The following PLA2G4C variants were observed in gnomAD, a reference collection of about 807,000 sequenced individuals.
PLA2G4C encodes cytosolic phospholipase A2 gamma.
Under a neutral mutation model 73.8 loss-of-function variants are expected in PLA2G4C, and 64 were observed. That is an observed-to-expected ratio of 0.87 (90% CI 0.71 to 1.07). The LOEUF (loss-of-function observed/expected upper bound fraction) is 1.07, where lower values mean the gene tolerates loss of function less well. Ranked by LOEUF, PLA2G4C falls within the 50% of genes least tolerant of loss-of-function variation. The pLI is 0.00. For synonymous variants in PLA2G4C, 254 were observed against 252.1 expected (o/e 1.01, Z -0.07); for missense variants, 622 against 665.4 (o/e 0.93, Z 0.72).
intron 12 of PLA2G4C, among the ~76,000 whole-genome samples, chr19:48,071,913 T>C (rs1458976726): frequency 6.6e-6 from 1 of 151,868 alleles, no homozygotes; most frequent in African/African-American, 2.4e-5. Flanking sequence ...TTTGGGAGCC[T>C]GAGGTGGGCG....
chr19:48,074,936 G>T, intron 11 of PLA2G4C, 62 bp from the exon 12 acceptor site: 2 of 1,069,024 alleles, frequency 1.9e-6, no homozygotes, highest in South Asian at 1.5e-5. Context: ...GAACATCACA[G>T]ACCCTGCTCT....
chr19:48,091,907 AAAT>A (rs1470571870), intron 7 of PLA2G4C, among the ~76,000 whole-genome samples: 1,870 of 81,370 alleles, frequency 0.023, 383 homozygotes, highest in African/African-American at 0.093. Flanking sequence ...AAAAAAAAAA[AAAT>A]AGACACACCC....
intron 12 of PLA2G4C, among the ~76,000 whole-genome samples, chr19:48,069,508 C>T (rs527635613): frequency 6.6e-6 from 1 of 152,248 alleles, no homozygotes; most frequent in South Asian, 2.1e-4. Context: ...CTGCCAATTC[C>T]ACCTCCTCTT....
intron 7 of PLA2G4C, among the ~76,000 whole-genome samples, chr19:48,095,167 A>C (rs1310984769): frequency 6.6e-6 from 1 of 152,096 alleles, no homozygotes; most frequent in Non-Finnish European, 1.5e-5. Flanking sequence ...TGTAATCCCA[A>C]ACACATTCTG....
intron 16 of PLA2G4C, among the ~76,000 whole-genome samples, chr19:48,049,949 A>G (rs11564660): frequency 0.21 from 32,419 of 151,974 alleles, 3,929 homozygotes; most frequent in Non-Finnish European, 0.27. Flanking sequence ...TTGAGACGGA[A>G]TCTCCCTCTG....
At chr19:48,055,744 G>A (rs1304149051) in intron 14 of PLA2G4C, among the ~76,000 whole-genome samples, 6 of 151,980 alleles carry the variant, frequency 3.9e-5, no homozygotes. Flanking sequence ...TGGTCCAAGC[G>A]ATTCTCCTGC....
chr19:48,086,754 G>A (rs11564576), intron 9 of PLA2G4C, among the ~76,000 whole-genome samples: 4,184 of 152,232 alleles, frequency 0.027, 152 homozygotes, highest in African/African-American at 0.084. Context: ...AGGAGAAAAT[G>A]GCTCTATGTC....
chr19:48,061,914 C>T, intron 14 of PLA2G4C, 84 bp downstream of exon 14: 1 of 1,410,938 alleles, frequency 7.1e-7, no homozygotes, highest in Non-Finnish European at 9.9e-7. Context: ...GCTTCCCAGC[C>T]CGCGTCCTCA....
intron 4 of PLA2G4C, among the ~76,000 whole-genome samples, chr19:48,102,530 TA>T (rs1232334321): frequency 6.6e-6 from 1 of 152,076 alleles, no homozygotes; most frequent in African/African-American, 2.4e-5. Flanking sequence ...AAAGAAAATT[TA>T]AAATGATAGA....
At chr19:48,087,541 T>C (rs1451115035) in intron 9 of PLA2G4C, among the ~76,000 whole-genome samples, 1 of 152,150 alleles carries the variant, frequency 6.6e-6, no homozygotes, top group Non-Finnish European at 1.5e-5. Context: ...CTGATCTGAA[T>C]AGCTGGAGCA....
intron 14 of PLA2G4C, among the ~76,000 whole-genome samples, chr19:48,055,623 T>G (rs1967911601): frequency 8.6e-6 from 1 of 115,776 alleles, no homozygotes; most frequent in Non-Finnish European, 1.8e-5. Flanking sequence ...AGAAATATAA[T>G]GTCACCGTGA....
At position 48,085,048 on chromosome 19, in the gene PLA2G4C, CA is replaced by C. The variant is rs774986092; in HGVS notation, c.844+10del. Reference sequence around the variant, plus strand: ...TCTAGGCTTTGACCTTTCTGTTCCCCAAATACTCACCAAAAATAAGGTGTCC... The same window carrying C: ...TCTAGGCTTTGACCTTTCTGTTCCCCAATACTCACCAAAAATAAGGTGTCC... On this transcript the variant is annotated intron_variant, in intron 10 of 16. Transcript: ENST00000599921. The C allele has an allele frequency of 7.5e-6, 12 of 1,598,158 alleles. No homozygotes were observed. The highest frequency in any genetic ancestry group is 1.1e-5 in the South Asian group (1 of 90,702).
In PLA2G4C at chr19:48,110,739, G is replaced by C. The variant is rs530531077; in HGVS notation, c.-285C>G. ...CCTGGTCCTGAGCAGGGCCAACCTG[G>C]AGGTAAAATGGCCCCTGCGCCTTTA... is the stretch of plus-strand genomic sequence containing the variant. On this transcript the variant is annotated 5_prime_UTR_variant, in exon 1 of 17. Transcript: ENST00000599921. 6.9e-4 allele frequency: 282 copies of C among 410,086 alleles called. No homozygotes were observed. The highest frequency in any genetic ancestry group is 6.1e-3 in the African/African-American group (226 of 36,784). The allele number at this position is 410,086 out of a possible 1,614,324, so 25.4% of individuals were successfully genotyped here.
intron 4 of PLA2G4C, among the ~76,000 whole-genome samples, chr19:48,103,217 G>A (rs1454407043): frequency 6.6e-6 from 1 of 152,080 alleles, no homozygotes; most frequent in Non-Finnish European, 1.5e-5. Flanking sequence ...GATTCCAGAA[G>A]AAATCATGGG....
chr19:48,062,025 G>A lies in PLA2G4C; in HGVS notation c.1230C>T (p.Phe410=), dbSNP rs1274167591. The A allele has an allele frequency of 6.8e-6, 11 of 1,613,948 alleles. No homozygotes were observed. The highest frequency in any genetic ancestry group is 1.6e-4 in the Middle Eastern group (1 of 6,062). ...PTREVHLILS[F]DFSAGDPFET... is the part of the protein sequence containing the mutation. ...CGAAAGGATCTCCGGCACTGAAGTC[G>A]AAGGAGAGGATGAGGTGAACCTCCC... Residue 410 remains phenylalanine, a synonymous_variant, in exon 14 of 17, where the codon TTC becomes TTT. Coordinates refer to ENST00000599921, the MANE Select transcript of PLA2G4C (RefSeq NM_003706.3).
rs1041246275 is a variant in PLA2G4C, at chr19:48,110,678, C to T, written c.-224G>A. Reference sequence around the variant, plus strand: ...GTGGTCCTCCTGCTTTCCTTTTCCCCCTGTGGGAGGAGGTCGCGGGCTGGA... The same window carrying T: ...GTGGTCCTCCTGCTTTCCTTTTCCCTCTGTGGGAGGAGGTCGCGGGCTGGA... On this transcript the variant is annotated 5_prime_UTR_variant, in exon 1 of 17. Coordinates refer to ENST00000599921, the MANE Select transcript of PLA2G4C (RefSeq NM_003706.3). 2.7e-5 allele frequency: 15 copies of T among 563,904 alleles called. No homozygotes were observed. In the Admixed American group the frequency reaches 3.2e-4, roughly 12 times the overall value. 34.9% of individuals were successfully genotyped at this position (563,904 alleles called of 1,614,324 possible).
chr19:48,054,960 G>A lies in PLA2G4C; in HGVS notation c.1347C>T (p.Ala449=). Residue 449 remains alanine (A), a synonymous_variant, in exon 15 of 17, where the codon GCC becomes GCT. Coordinates refer to ENST00000599921, the MANE Select transcript of PLA2G4C (RefSeq NM_003706.3). The part of the protein sequence containing the change: ...EEAELDLWSK[A]PASCYILKGE... ...CTTTCAGGATGTAGCAGCTGGCGGG[G>A]GCCTTGGACCACAAATCCAGCTCAG... 6.2e-7 allele frequency: 1 copy of A among 1,613,840 alleles called. No homozygotes were observed. Among genetic ancestry groups the A allele is most frequent in the Non-Finnish European group, 8.5e-7 (1 of 1,179,988 alleles).
At chr19:48,085,383 G>C (rs1055954264) in intron 9 of PLA2G4C, among the ~76,000 whole-genome samples, 1 of 152,156 alleles carries the variant, frequency 6.6e-6, no homozygotes, top group African/African-American at 2.4e-5. Flanking sequence ...GCTACCCCAA[G>C]GCCATTTCAA....
At position 48,067,950 on chromosome 19, in the gene PLA2G4C, A is replaced by G. The variant is rs1477058801; in HGVS notation, c.1007-64T>C. 5 of 1,129,296 alleles carry G rather than the reference A, an allele frequency of 4.4e-6. No individual in the cohort carries two copies. The Admixed American group carries it at 8.4e-5, about 19-fold the overall frequency. The allele number at this position is 1,129,296 out of a possible 1,614,324, so 70.0% of individuals were successfully genotyped here. A position where few individuals can be genotyped will look rare whatever the true frequency, so the allele number is the denominator to read the frequency against. On this transcript the variant is annotated intron_variant, in intron 12 of 16. Transcript: ENST00000599921. ...AGACTGAGTGGTTTCTGCCCCCACC[A>G]AAGTCATATGTGGAAGCCCTCATCC...
Sources: allele counts gnomAD v4.1 joint callset (sites outside exome capture counted in the v4.1 genomes callset), GRCh38; gene constraint gnomAD v4.1.1; transcripts MANE v1.5; gene names NCBI Gene and HGNC (gene_info 2026-07-23, HGNC 2026-07-21).